The following CPNE3 variants were observed in gnomAD, a reference collection of about 807,000 sequenced individuals.
CPNE3 encodes the protein copine 3.
In CPNE3, 68 loss-of-function variants were observed where a neutral mutation model predicts 63.9. The ratio of observed to expected loss-of-function variants is 1.06; its 90% CI spans 0.87 to 1.30. The LOEUF (loss-of-function observed/expected upper bound fraction) is 1.30, where lower values mean the gene tolerates loss of function less well. CPNE3 is among the 50% of genes most tolerant of loss of function. The probability of loss-of-function intolerance (pLI) is 0.00; values close to 1 mark genes in which losing one functional copy is unlikely to be tolerated. For synonymous variants in CPNE3, 219 were observed against 197.5 expected (o/e 1.11, Z -0.91); for missense variants, 665 against 578.1 (o/e 1.15, Z -1.54).
chr8:86,537,560 T>C lies in CPNE3; in HGVS notation c.460-3T>C, dbSNP rs760928337. On this transcript the variant is annotated splice_polypyrimidine_tract_variant and splice_region_variant and intron_variant, in intron 6 of 16. Transcript: ENST00000517490. ...TGCTTTTTGTTGTTTGTTTTAAATG[T>C]AGGATCTATTTGGAAAGTCAGACCC... 6.4e-7 allele frequency: 1 copy of C among 1,572,408 alleles called. No individual in the cohort carries two copies. The highest frequency in any genetic ancestry group is 1.1e-5 in the South Asian group (1 of 90,322).
intron 6 of CPNE3, among the ~76,000 whole-genome samples, chr8:86,534,030 G>T (rs1820745767): frequency 6.6e-6 from 1 of 151,892 alleles, no homozygotes; most frequent in Admixed American, 6.6e-5. Context: ...GGAGACTGAG[G>T]CAGGAAGATG....
intron 9 of CPNE3, among the ~76,000 whole-genome samples, chr8:86,545,692 C>G (rs905192879): frequency 2.6e-5 from 4 of 152,212 alleles, no homozygotes; most frequent in Middle Eastern, 3.4e-3. Flanking sequence ...TCTTGGAAAA[C>G]TAGTAATGAC....
intron 12 of CPNE3, 98 bp downstream of exon 12, chr8:86,548,532 T>C (rs1821105131): frequency 3.5e-6 from 5 of 1,432,092 alleles, no homozygotes; most frequent in Non-Finnish European, 4.8e-6. Context: ...AGGTGGTAGG[T>C]TGATGATGCT....
intron 10 of CPNE3, 158 bp from the exon 11 acceptor site, chr8:86,547,552 AT>A: frequency 1.8e-6 from 1 of 562,694 alleles, no homozygotes. Context: ...TTCATGGCAC[AT>A]AGGGGAAGGG....
intron 2 of CPNE3, among the ~76,000 whole-genome samples, chr8:86,517,192 A>G (rs1820334691): frequency 6.6e-6 from 1 of 152,226 alleles, no homozygotes; most frequent in Non-Finnish European, 1.5e-5. Flanking sequence ...GTATGCAATC[A>G]TAACTTTTTA....
chr8:86,550,242 G>A (rs185991162), intron 12 of CPNE3, among the ~76,000 whole-genome samples: 1 of 152,162 alleles, frequency 6.6e-6, no homozygotes, highest in East Asian at 1.9e-4. Flanking sequence ...TACAAACTGG[G>A]GAAAAATGTG....
Position 86,528,680 on chromosome 8 carries a change from A to G in CPNE3, c.132+3A>G, listed in dbSNP as rs2131441565. On this transcript the variant is annotated splice_donor_region_variant and intron_variant, in intron 3 of 16. Coordinates refer to ENST00000517490, the MANE Select transcript of CPNE3 (RefSeq NM_003909.5). ...CAAGTGGTCAACAGTGGTATGAGGT[A>G]ATGTCAAATACTTTACCTAAAAAGT... is the stretch of plus-strand genomic sequence containing the variant. 6.2e-7 allele frequency: 1 copy of G among 1,606,540 alleles called. No individual in the cohort carries two copies. Among genetic ancestry groups the G allele is most frequent in the Non-Finnish European group, 8.5e-7 (1 of 1,177,722 alleles).
intron 14 of CPNE3, chr8:86,551,492 T>G (rs1162123037): frequency 5.6e-6 from 2 of 357,322 alleles, no homozygotes; most frequent in Admixed American, 8.8e-5. Flanking sequence ...CCTCCTACCT[T>G]AAGAACTTTA....
chr8:86,548,397 C>G lies in CPNE3; in HGVS notation c.976C>G (p.Leu326Val), dbSNP rs370964869. 1.2e-6 allele frequency: 2 copies of G among 1,614,096 alleles called. No individual in the cohort carries two copies. Among genetic ancestry groups the G allele is most frequent in the Non-Finnish European group, 1.7e-6 (2 of 1,180,008 alleles). ...TGGCGTTAATGAGTATTTGACTGCT[C>G]TCTGGTCTGTGGGACTGGTCATTCA... ...PNGVNEYLTA[L>V]WSVGLVIQDY... Residue 326 changes from leucine to valine, a missense_variant, in exon 12 of 17, where the codon CTC becomes GTC. Coordinates refer to ENST00000517490, the MANE Select transcript of CPNE3 (RefSeq NM_003909.5).
intron 2 of CPNE3, among the ~76,000 whole-genome samples, chr8:86,517,435 C>G (rs142807487): frequency 0.015 from 2,208 of 152,210 alleles, 21 homozygotes; most frequent in Middle Eastern, 0.034. Flanking sequence ...TTTCACCTTC[C>G]CTGGCTTTTA....
chr8:86,528,424 T>A, intron 2 of CPNE3, 112 bp from the exon 3 acceptor site: 1 of 1,186,726 alleles, frequency 8.4e-7, no homozygotes, highest in Non-Finnish European at 1.2e-6. Flanking sequence ...AAGTTCACTC[T>A]ATAAGCCTAT....
At chr8:86,529,184 G>C in intron 4 of CPNE3, 60 bp downstream of exon 4, 1 of 1,429,870 alleles carries the variant, frequency 7.0e-7, no homozygotes, top group Non-Finnish European at 9.6e-7. Flanking sequence ...GAATTTGGTG[G>C]TGTTTTTGGT....
chr8:86,545,265 A>C (rs1356284070), intron 9 of CPNE3: 1 of 153,060 alleles, frequency 6.5e-6, no homozygotes, highest in Non-Finnish European at 1.5e-5. Context: ...CGTGGCCAGC[A>C]GTTCCATCCA....
At chr8:86,551,729 T>C (rs901195355) in intron 14 of CPNE3, among the ~76,000 whole-genome samples, 20 of 152,222 alleles carry the variant, frequency 1.3e-4, no homozygotes, top group African/African-American at 4.3e-4. Flanking sequence ...GTAGCTGGGA[T>C]GGGCAAAAGG....
intron 12 of CPNE3, among the ~76,000 whole-genome samples, chr8:86,549,256 TC>T (rs1821121114): frequency 6.6e-6 from 1 of 152,222 alleles, no homozygotes; most frequent in South Asian, 2.1e-4. Context: ...AATTCCAATT[TC>T]AGGCTAGTAA....
rs767083415 is a variant in CPNE3 at position 86,546,693 on chromosome 8, T to C, written c.819+12T>C. The C allele has an allele frequency of 7.0e-6, 11 of 1,582,686 alleles. No individual in the cohort carries two copies. Among genetic ancestry groups the C allele is most frequent in the Non-Finnish European group, 9.4e-6 (11 of 1,171,408 alleles). ...TGAAACAGTGTGAGGTCCGTTGGCC[T>C]TGGCTACTTATTTTTATTTATTTAT... On this transcript the variant is annotated intron_variant, in intron 10 of 16. Transcript: ENST00000517490.
Position 86,554,991 on chromosome 8 carries a change from G to C in CPNE3, c.1254+7G>C, listed in dbSNP as rs769691045. On this transcript the variant is annotated splice_region_variant and intron_variant, in intron 15 of 16. Transcript: ENST00000517490. ...GCAACAGCAGACAGCTTCTGTAAGT[G>C]CTCTATGGCCAGGGAATGGGAAGAA... is the stretch of plus-strand genomic sequence containing the variant. The C allele has an allele frequency of 6.2e-7, 1 of 1,613,888 alleles. No individual in the cohort carries two copies.
At chr8:86,528,469 G>T in intron 2 of CPNE3, 67 bp from the exon 3 acceptor site, 1 of 1,565,920 alleles carries the variant, frequency 6.4e-7, no homozygotes. Flanking sequence ...ACCTGTTTTT[G>T]TTAGGAATGA....
intron 10 of CPNE3, 58 bp downstream of exon 10, chr8:86,546,739 C>T (rs537697956): frequency 1.9e-6 from 3 of 1,540,650 alleles, no homozygotes; most frequent in Admixed American, 2.0e-5. Flanking sequence ...TGAGCTGGAG[C>T]CTCGCTCTGT....
Sources: gnomAD v4.1 joint callset for allele counts (sites outside exome capture counted in the v4.1 genomes callset) on GRCh38, gnomAD v4.1.1 for gene constraint, MANE v1.5 for transcripts, NCBI Gene and HGNC (gene_info 2026-07-23, HGNC 2026-07-21) for gene names.